Variants in SCN3A observed in about 807,000 individuals in gnomAD.
SCN3A encodes sodium voltage-gated channel alpha subunit 3.
SCN3A carries 60 observed loss-of-function variants against 187.6 expected under a neutral mutation model. The ratio of observed to expected loss-of-function variants is 0.32; its 90% CI spans 0.26 to 0.40. The LOEUF is 0.40. Among genes scored for constraint, SCN3A ranks in the 10% least tolerant of loss-of-function variants. SCN3A has a pLI of 1.00. For missense variants in SCN3A, 1,601 were observed against 2,428.2 expected, an observed-to-expected ratio of 0.66 and a Z score of 7.16; for synonymous variants, 788 against 829.2, an observed-to-expected ratio of 0.95 and a Z score of 0.85.
At chr2:165,198,785 C>A (rs539723010) in intron 1 of SCN3A, among the ~76,000 whole-genome samples, 1 of 151,744 alleles carries the variant, frequency 6.6e-6, no homozygotes, top group Non-Finnish European at 1.5e-5. Flanking sequence ...ATATAAATTC[C>A]ATGAAAAGAA....
rs376939974 is a variant in SCN3A, at chr2:165,116,809, A to G, written c.3394-1234T>C. Reference sequence around the variant, plus strand: ...ATTAACCTGACATTAGCCATGTCCAAATATATATATTATGAAAATTACTTT... The same window carrying G: ...ATTAACCTGACATTAGCCATGTCCAGATATATATATTATGAAAATTACTTT... On this transcript the variant is annotated intron_variant, in intron 18 of 27. Transcript: ENST00000283254. Among the ~76,000 whole-genome samples, 64 of 152,172 alleles carry G rather than the reference A, an allele frequency of 4.2e-4. No individual in the cohort carries two copies. The East Asian group carries it at 9.3e-3, about 22-fold the overall frequency.
chr2:165,091,787 CATCTCTCTTTTTCTCCTACTAA>C (rs1685118099), intron 27 of SCN3A: 1 of 266,278 alleles, frequency 3.8e-6, no homozygotes, highest in Non-Finnish European at 7.2e-6. Flanking sequence ...TATAATTCCC[CATCTCTCTTTTTCTCCTACTAA>C]ATCTCAACTC....
chr2:165,192,313 T>C (rs1478322194), intron 1 of SCN3A, among the ~76,000 whole-genome samples: 1 of 152,136 alleles, frequency 6.6e-6, no homozygotes, highest in African/African-American at 2.4e-5. Context: ...ACCTAAAGTA[T>C]TTCCCACTCT....
intron 2 of SCN3A, among the ~76,000 whole-genome samples, chr2:165,185,608 T>G (rs1362972426): frequency 6.6e-6 from 1 of 152,166 alleles, no homozygotes; most frequent in Non-Finnish European, 1.5e-5. Flanking sequence ...GGGTGGCAGG[T>G]CACAGAGACA....
At chr2:165,162,194 G>A (rs2105888369) in intron 9 of SCN3A, 114 bp downstream of exon 9, 1 of 961,554 alleles carries the variant, frequency 1.0e-6, no homozygotes, top group South Asian at 1.5e-5. Context: ...GAGCAGCACT[G>A]CTCTTTATTG....
chr2:165,097,954 A>T (rs919940038), intron 22 of SCN3A, among the ~76,000 whole-genome samples: 2 of 152,240 alleles, frequency 1.3e-5, no homozygotes, highest in Non-Finnish European at 2.9e-5. Flanking sequence ...ACAAAGTATT[A>T]AAAATGCCTT....
chr2:165,110,117 C>CTAGT (rs1686048416), intron 21 of SCN3A, among the ~76,000 whole-genome samples: 3 of 152,270 alleles, frequency 2.0e-5, no homozygotes, highest in Non-Finnish European at 4.4e-5. Context: ...ATTTACCAGC[C>CTAGT]TAGTACTCTG....
intron 1 of SCN3A, among the ~76,000 whole-genome samples, chr2:165,190,619 A>T (rs1234284342): frequency 6.8e-6 from 1 of 146,836 alleles, no homozygotes; most frequent in Non-Finnish European, 1.5e-5. Context: ...TATATATATA[A>T]AACTTTGCAT....
At chr2:165,127,605 A>T (rs779898658) in intron 18 of SCN3A, 26 bp downstream of exon 18, 1 of 1,579,930 alleles carries the variant, frequency 6.3e-7, no homozygotes, top group African/African-American at 1.3e-5. Context: ...TAGGAAATGG[A>T]ACAAAAAATT....
At chr2:165,166,708 T>C (rs1689781488) in intron 5 of SCN3A, among the ~76,000 whole-genome samples, 1 of 152,182 alleles carries the variant, frequency 6.6e-6, no homozygotes, top group African/African-American at 2.4e-5. Context: ...TAGTAACCAC[T>C]ACTACTTTGC....
At chr2:165,147,335 T>C (rs1222771759) in intron 11 of SCN3A, among the ~76,000 whole-genome samples, 2 of 151,704 alleles carry the variant, frequency 1.3e-5, no homozygotes, top group African/African-American at 2.4e-5. Context: ...TTCTATACTT[T>C]AAAAAGCAAA....
chr2:165,122,230 C>CTTTTTTTTTTTTTTTTTTTTTTTTTTT (rs776949572), intron 18 of SCN3A, among the ~76,000 whole-genome samples: 1 of 113,918 alleles, frequency 8.8e-6, no homozygotes, highest in African/African-American at 3.4e-5. Flanking sequence ...TTCTTTCTTT[C>CTTTTTTTTTTTTTTTTTTTTTTTTTTT]TTTTTTTTCT....
chr2:165,128,295 A>T (rs1687116036), intron 17 of SCN3A, among the ~76,000 whole-genome samples, 194 bp from the exon 18 acceptor site: 1 of 152,178 alleles, frequency 6.6e-6, no homozygotes, highest in African/African-American at 2.4e-5. Context: ...GGGCAAAATG[A>T]TAAAACAAGC....
chr2:165,176,601 A>C (rs1338859868), intron 2 of SCN3A, among the ~76,000 whole-genome samples, 157 bp from the exon 3 acceptor site: 2 of 152,132 alleles, frequency 1.3e-5, no homozygotes, highest in Admixed American at 1.3e-4. Flanking sequence ...AAACATCATC[A>C]TTCAACCTCA....
intron 3 of SCN3A, among the ~76,000 whole-genome samples, chr2:165,173,328 G>C (rs1690235612): frequency 6.6e-6 from 1 of 152,114 alleles, no homozygotes; most frequent in African/African-American, 2.4e-5. Flanking sequence ...CGAATGCCTG[G>C]ACTCAGATCC....
In SCN3A at chr2:165,147,186, T is replaced by C. The variant is rs16850134; in HGVS notation, c.1381-157A>G. ...CTCACCACAAGAGTTTACTTAACAA[T>C]GACCCTTATGTTTTAAATCATATAA... is the stretch of plus-strand genomic sequence containing the variant. On this transcript the variant is annotated intron_variant, in intron 11 of 27. Transcript: ENST00000283254. 0.22 allele frequency among the ~76,000 whole-genome samples: 33,793 copies of C among 151,708 alleles called. 3,752 individuals are homozygous for C. Among genetic ancestry groups the C allele is most frequent in the East Asian group, 0.31 (1,576 of 5,126 alleles).
At chr2:165,196,885 A>G (rs1286055743) in intron 1 of SCN3A, among the ~76,000 whole-genome samples, 3 of 152,022 alleles carry the variant, frequency 2.0e-5, no homozygotes, top group Non-Finnish European at 2.9e-5. Context: ...CAGTAGACCT[A>G]CTCTTATTCG....
At position 165,088,823 on chromosome 2, in the gene SCN3A, T is replaced by C. The variant is rs1427490671; in HGVS notation, c.*1327A>G. 6.6e-6 allele frequency: 1 copy of C among 152,590 alleles called. No individual in the cohort carries two copies. The highest frequency in any genetic ancestry group is 2.4e-5 in the African/African-American group (1 of 41,464). The allele number at this position is 152,590 out of a possible 1,614,324, so 9.5% of individuals were successfully genotyped here. A position where few individuals can be genotyped will look rare whatever the true frequency, so the allele number is the denominator to read the frequency against. ...CATATTTTTAGCAAAATATGAAGAA[T>C]AGGTTTTGTCAGTAGGCAGTATCCA... On this transcript the variant is annotated 3_prime_UTR_variant, in exon 28 of 28. Transcript: ENST00000283254.
rs1688991758 is a variant in SCN3A, at chr2:165,155,878, C to T, written c.1057G>A (p.Val353Met). The T allele has an allele frequency of 9.9e-6, 16 of 1,614,134 alleles. No individual in the cohort carries two copies. The highest frequency in any genetic ancestry group is 1.4e-5 in the Non-Finnish European group (16 of 1,180,016). The change falls in exon 10 of 28, where the codon GTG becomes ATG. Residue 353 changes from valine to methionine, a missense_variant. This residue lies in a region of SCN3A where 47 missense variants were observed against 105.8 expected (regional missense o/e 0.44). Coordinates refer to ENST00000283254, the MANE Select transcript of SCN3A (RefSeq NM_006922.4). ...TAGTTGGGGTTTCGACCAGCCTTCA[C>T]ACAGATGTATCCTTCTGGACACTGG... Reference protein sequence around the residue: ...AGQCPEGYICVKAGRNPNYGY... With the variant: ...AGQCPEGYICMKAGRNPNYGY...
Sources: gnomAD v4.1 joint callset for allele counts (sites outside exome capture counted in the v4.1 genomes callset) on GRCh38, gnomAD v4.1.1 for gene constraint, gnomAD v4.1.1 regional missense constraint, MANE v1.5 for transcripts, NCBI Gene and HGNC (gene_info 2026-07-23, HGNC 2026-07-21) for gene names.